The following TMEM40 variants were observed in gnomAD, a reference collection of about 807,000 sequenced individuals.
The protein encoded by TMEM40 is transmembrane protein 40.
A neutral mutation model predicts 40.8 loss-of-function variants in TMEM40; 34 were observed. The ratio of observed to expected loss-of-function variants is 0.83; its 90% CI spans 0.63 to 1.11. TMEM40 has a LOEUF of 1.11. TMEM40 is among the 50% of genes least tolerant of loss of function. The pLI, the probability that TMEM40 is intolerant of heterozygous loss-of-function variation, is 0.00. For synonymous variants in TMEM40, 106 were observed against 107.0 expected (o/e 0.99, Z 0.06); for missense variants, 296 against 280.2 (o/e 1.06, Z -0.40).
rs142460631 is a variant in TMEM40, at chr3:12,751,231, C to G, written c.-8-1391G>C. Among the ~76,000 whole-genome samples the G allele has an allele frequency of 2.7e-3, 399 of 148,750 alleles. 2 individuals are homozygous for G. The highest frequency in any genetic ancestry group is 4.1e-3 in the Non-Finnish European group (275 of 67,402). ...TACCCTTGGACATTCAGTGTCCAGT[C>G]CCATCCCTGCTCATCCCCCATCTCG... On this transcript the variant is annotated intron_variant, in intron 1 of 11. Transcript: ENST00000314124.
chr3:12,740,282 G>A (rs2061371209), intron 5 of TMEM40, among the ~76,000 whole-genome samples: 1 of 150,456 alleles, frequency 6.6e-6, no homozygotes, highest in Non-Finnish European at 1.5e-5. Flanking sequence ...TAGAGACAGG[G>A]TTTTGCCACG....
chr3:12,760,526 C>T (rs530824663), upstream of TMEM40, among the ~76,000 whole-genome samples: 1 of 151,794 alleles, frequency 6.6e-6, no homozygotes, highest in African/African-American at 2.4e-5. Flanking sequence ...AGCCACCTGG[C>T]CCCCCGCTCA....
intron 3 of TMEM40, 45 bp from the exon 4 acceptor site, chr3:12,744,034 C>G: frequency 6.3e-7 from 1 of 1,586,974 alleles, no homozygotes; most frequent in Non-Finnish European, 8.6e-7. Context: ...CAGCCTGGAA[C>G]AAGCTGGGAA....
At chr3:12,749,737 AG>A in intron 2 of TMEM40, 22 bp downstream of exon 2, 2 of 1,609,954 alleles carry the variant, frequency 1.2e-6, no homozygotes, top group Non-Finnish European at 8.5e-7. Context: ...TTTTGCCCAG[AG>A]GGTCAGAGAA....
intron 1 of TMEM40, among the ~76,000 whole-genome samples, chr3:12,768,191 G>A (rs929163193): frequency 3.9e-5 from 6 of 152,182 alleles, no homozygotes; most frequent in African/African-American, 1.4e-4. Context: ...GGAGTTGTTC[G>A]TTCCTCCCAG....
chr3:12,740,473 G>A (rs906610825), intron 5 of TMEM40, among the ~76,000 whole-genome samples: 17 of 151,498 alleles, frequency 1.1e-4, no homozygotes, highest in Middle Eastern at 3.4e-3. Context: ...AGGCCGAGGC[G>A]GGTGGATCAC....
intron 5 of TMEM40, 29 bp downstream of exon 5, chr3:12,742,425 T>C (rs768063802): frequency 6.2e-7 from 1 of 1,610,376 alleles, no homozygotes; most frequent in Non-Finnish European, 8.5e-7. Flanking sequence ...TCTAATTGTT[T>C]TCTCCAAAGC....
At chr3:12,755,225 CTCTCTCTCTCTTTCTT>C (rs2061514087) in intron 1 of TMEM40, among the ~76,000 whole-genome samples, 1 of 78,950 alleles carries the variant, frequency 1.3e-5, no homozygotes, top group African/African-American at 6.2e-5. Context: ...CTCTCTCTCT[CTCTCTCTCTCTTTCTT>C]TCTTTCTTTC....
intron 3 of TMEM40, among the ~76,000 whole-genome samples, chr3:12,746,552 A>C (rs2061430227): frequency 6.6e-6 from 1 of 152,206 alleles, no homozygotes; most frequent in East Asian, 1.9e-4. Flanking sequence ...AGGGTCCTGC[A>C]TGTGAGGACG....
intron 1 of TMEM40, among the ~76,000 whole-genome samples, chr3:12,753,434 G>C (rs1211453558): frequency 6.6e-6 from 1 of 151,666 alleles, no homozygotes; most frequent in South Asian, 2.1e-4. Context: ...ATGTTGCCCA[G>C]GCTGCTCTTG....
rs1392339075 is a variant in TMEM40, at chr3:12,742,463, G to A, written c.346C>T (p.Leu116Phe). Reference protein sequence around the residue: ...EPDVLKDELQLYGDAPGEVVP... With the variant: ...EPDVLKDELQFYGDAPGEVVP... Reference sequence around the variant, plus strand: ...CTGGGCAACTGATTACCTCCATAGAGTTGAAGCTCATCCTTCAAAACGTCA... The same window carrying A: ...CTGGGCAACTGATTACCTCCATAGAATTGAAGCTCATCCTTCAAAACGTCA... The change falls in exon 5 of 12, where the codon CTC (leucine) becomes TTC (phenylalanine). Residue 116 changes from leucine to phenylalanine, a missense_variant. Physicochemically the swap from Leu to Phe is conservative, Grantham distance 22 (BLOSUM62 0). Coordinates refer to ENST00000314124, the MANE Select transcript of TMEM40 (RefSeq NM_018306.4). The A allele has an allele frequency of 6.2e-7, 1 of 1,613,886 alleles. No homozygotes were observed. Among genetic ancestry groups the A allele is most frequent in the Admixed American group, 1.7e-5 (1 of 59,992 alleles).
At chr3:12,741,731 G>A (rs2061383339) in intron 5 of TMEM40, among the ~76,000 whole-genome samples, 1 of 147,470 alleles carries the variant, frequency 6.8e-6, no homozygotes, top group Admixed American at 6.8e-5. Flanking sequence ...GTAATTAAAC[G>A]CATTTTTCTA....
Position 12,737,688 on chromosome 3 carries a change from G to C in TMEM40, c.472+19C>G, listed in dbSNP as rs200516568. ...TAGCCAGACAGGAAAAAGCAGCTCT[G>C]CTACACCAAGTTCCTTACCATCTTT... On this transcript the variant is annotated intron_variant, in intron 8 of 11. Coordinates refer to ENST00000314124, the MANE Select transcript of TMEM40 (RefSeq NM_018306.4). 3.4e-3 allele frequency: 5,445 copies of C among 1,613,526 alleles called. 16 individuals carry two copies. Among genetic ancestry groups the C allele is most frequent in the Non-Finnish European group, 4.3e-3 (5,073 of 1,179,574 alleles).
chr3:12,753,592 C>T (rs1320395921), intron 1 of TMEM40, among the ~76,000 whole-genome samples: 1 of 152,096 alleles, frequency 6.6e-6, no homozygotes, highest in Non-Finnish European at 1.5e-5. Flanking sequence ...TGTTCAAGGT[C>T]TCCCAGCTTA....
At chr3:12,769,157 C>T (rs929540415) in intron 1 of TMEM40, 8 of 268,202 alleles carry the variant, frequency 3.0e-5, no homozygotes, top group Non-Finnish European at 4.1e-5. Flanking sequence ...TCTCCAAGTG[C>T]GGGGCCTACC....
intron 1 of TMEM40, among the ~76,000 whole-genome samples, chr3:12,755,608 G>T (rs1337163217): frequency 2.0e-5 from 3 of 152,054 alleles, no homozygotes; most frequent in Non-Finnish European, 4.4e-5. Flanking sequence ...CCAAAGTACA[G>T]GAGGAAAATA....
upstream of TMEM40, among the ~76,000 whole-genome samples, chr3:12,763,823 C>G (rs925804202): frequency 2.6e-5 from 4 of 152,194 alleles, no homozygotes; most frequent in Admixed American, 2.6e-4. Flanking sequence ...CTTCCTAGGT[C>G]TGAGAATGAT....
intron 10 of TMEM40, 96 bp downstream of exon 10, chr3:12,736,482 C>G (rs2061338181): frequency 3.5e-6 from 5 of 1,443,694 alleles, no homozygotes; most frequent in African/African-American, 1.4e-5. Context: ...GATTGTGACT[C>G]TCTGGTCCAT....
intron 1 of TMEM40, among the ~76,000 whole-genome samples, chr3:12,767,404 G>A (rs1030908678): frequency 2.0e-5 from 3 of 152,140 alleles, no homozygotes; most frequent in African/African-American, 7.2e-5. Flanking sequence ...TTTCCCAGGC[G>A]ACTGTGGCAT....
Sources: gnomAD v4.1 joint callset for allele counts (sites outside exome capture counted in the v4.1 genomes callset) on GRCh38, gnomAD v4.1.1 for gene constraint, MANE v1.5 for transcripts, NCBI Gene and HGNC (gene_info 2026-07-23, HGNC 2026-07-21) for gene names.